The following NUP155 variants were observed in gnomAD, a reference collection of about 807,000 sequenced individuals.
NUP155 encodes nuclear pore complex protein Nup155.
In NUP155, 71 loss-of-function variants were observed where a neutral mutation model predicts 180.4. The observed-to-expected ratio is 0.39, with a 90% CI of 0.33 to 0.48. The LOEUF is 0.48. Among genes scored for constraint, NUP155 ranks in the 20% least tolerant of loss-of-function variants. The pLI is 0.91. For missense variants in NUP155, 1,553 were observed against 1,648.9 expected (o/e 0.94, Z 1.01); for synonymous variants, 582 against 559.5 (o/e 1.04, Z -0.57).
In NUP155 at chr5:37,294,399, T is replaced by A. The variant is rs1197442517; in HGVS notation, c.3860A>T (p.Gln1287Leu). ...TGGTACTCCAATTTCATTCATTGTC[T>A]GTATTACGAAGCCCACATCCCAGTT... ...TLNWDVGFVI[Q>L]TMNEIGVPLP... is the part of the protein sequence containing the mutation. Residue 1287 changes from glutamine to leucine, a missense_variant, in exon 33 of 35, where the codon CAG (glutamine) becomes CTG (leucine). Physicochemically the swap from Gln to Leu is moderately radical, Grantham distance 113. Transcript: ENST00000231498. 6.2e-7 allele frequency: 1 copy of A among 1,610,844 alleles called. No homozygotes were observed. Among genetic ancestry groups the A allele is most frequent in the African/African-American group, 1.3e-5 (1 of 74,874 alleles).
At chr5:37,320,418 G>A (rs1223818844) in intron 20 of NUP155, among the ~76,000 whole-genome samples, 3 of 152,120 alleles carry the variant, frequency 2.0e-5, no homozygotes, top group Admixed American at 6.5e-5. Context: ...CGGAGGTTGC[G>A]GTGAGCCGAG....
At chr5:37,311,838 G>A (rs751157046) in intron 22 of NUP155, among the ~76,000 whole-genome samples, 45 of 152,148 alleles carry the variant, frequency 3.0e-4, no homozygotes, top group East Asian at 3.9e-4. Context: ...TGGCCAACAT[G>A]GCGAAACCCG....
intron 21 of NUP155, among the ~76,000 whole-genome samples, chr5:37,316,589 C>T (rs930274584): frequency 3.3e-5 from 5 of 152,032 alleles, no homozygotes; most frequent in Admixed American, 6.6e-5. Context: ...CTCGGCCTCC[C>T]GAGCAGCTGG....
In NUP155 at chr5:37,329,243, G is replaced by A; in HGVS notation, c.1760C>T (p.Thr587Ile). The A allele has an allele frequency of 6.2e-7, 1 of 1,613,998 alleles. No homozygotes were observed. Among genetic ancestry groups the A allele is most frequent in the Non-Finnish European group, 8.5e-7 (1 of 1,179,900 alleles). Residue 587 changes from threonine to isoleucine, a missense_variant, in exon 16 of 35, where the codon ACT (threonine) becomes ATT (isoleucine). Transcript: ENST00000231498. Reference protein sequence around the residue: ...GGEAQMRFPTTLPPPSNVGPI... With the variant: ...GGEAQMRFPTILPPPSNVGPI... Reference sequence around the variant, plus strand: ...ACCAACATTACTTGGAGGCGGAAGAGTGGTTGGAAATCTCATCTGTGCTTC... The same window carrying A: ...ACCAACATTACTTGGAGGCGGAAGAATGGTTGGAAATCTCATCTGTGCTTC...
Position 37,325,933 on chromosome 5 carries a change from T to C in NUP155, c.2059A>G (p.Ile687Val), listed in dbSNP as rs369621072. The change falls in exon 19 of 35, where the codon ATA becomes GTA. Residue 687 changes from isoleucine to valine, a missense_variant. By Grantham distance (29) the Ile-to-Val change is conservative. Coordinates refer to ENST00000231498, the MANE Select transcript of NUP155 (RefSeq NM_153485.3). ...IWDASLVVER[I>V]FKSGNREITA... is the part of the protein sequence containing the mutation. ...ATCTCTCTGTTGCCACTCTTGAATA[T>C]TCTCTCCACAACTAAGCTTGCATCC... 14 of 1,611,582 alleles carry C rather than the reference T, an allele frequency of 8.7e-6. No individual in the cohort carries two copies. The African/African-American group carries it at 1.9e-4, about 22-fold the overall frequency.
chr5:37,343,264 C>T lies in NUP155; in HGVS notation c.996-618G>A, dbSNP rs913922137. On this transcript the variant is annotated intron_variant, in intron 9 of 34. Transcript: ENST00000231498. ...TAATTTTTTGTATTTTTAGTAGAGA[C>T]GGGGTTTCACTATGTTAGCCAGGAT... 7.9e-5 allele frequency among the ~76,000 whole-genome samples: 12 copies of T among 151,924 alleles called. No individual in the cohort carries two copies. The East Asian group carries it at 2.3e-3, about 30-fold the overall frequency.
At chr5:37,361,815 A>C (rs548689673) in intron 3 of NUP155, among the ~76,000 whole-genome samples, 1 of 152,202 alleles carries the variant, frequency 6.6e-6, no homozygotes, top group Non-Finnish European at 1.5e-5. Context: ...TATGGATCAA[A>C]TATCTGTGTC....
chr5:37,367,240 T>G (rs1274146671), intron 1 of NUP155, among the ~76,000 whole-genome samples: 3 of 151,888 alleles, frequency 2.0e-5, no homozygotes, highest in South Asian at 2.1e-4. Flanking sequence ...GGTTTTTTTT[T>G]GGGATGGGCT....
At chr5:37,296,372 C>A (rs1432790505) in intron 32 of NUP155, among the ~76,000 whole-genome samples, 1 of 151,940 alleles carries the variant, frequency 6.6e-6, no homozygotes, top group Non-Finnish European at 1.5e-5. Flanking sequence ...GATCTGTGAC[C>A]TTACCCCCAA....
chr5:37,348,071 T>C (rs1351916536), intron 9 of NUP155, among the ~76,000 whole-genome samples: 1 of 152,020 alleles, frequency 6.6e-6, no homozygotes, highest in Non-Finnish European at 1.5e-5. Flanking sequence ...GAGGCAGAAG[T>C]TGCGGTGAGC....
chr5:37,299,480 A>G lies in NUP155; in HGVS notation c.3650T>C (p.Val1217Ala), dbSNP rs1436750530. 1 of 1,614,138 alleles carries G rather than the reference A, an allele frequency of 6.2e-7. No individual in the cohort carries two copies. Among genetic ancestry groups the G allele is most frequent in the Admixed American group, 1.7e-5 (1 of 60,024 alleles). Residue 1217 changes from valine (V) to alanine (A), a missense_variant, in exon 31 of 35, where the codon GTG becomes GCG. Val to Ala is a moderately conservative substitution (Grantham distance 64). Transcript: ENST00000231498. ...TATGATATCTTGCCAAAGTGTCTGCACCAATATAGGGTCTGAATAACCGGC... is the reference window on the plus strand; with the variant it reads ...TATGATATCTTGCCAAAGTGTCTGCGCCAATATAGGGTCTGAATAACCGGC... ...HCAGYSDPILVQTLWQDIIEK... is the reference protein window; with the variant it reads ...HCAGYSDPILAQTLWQDIIEK...
chr5:37,363,165 G>A (rs933237535), intron 3 of NUP155, among the ~76,000 whole-genome samples: 1 of 152,136 alleles, frequency 6.6e-6, no homozygotes, highest in Non-Finnish European at 1.5e-5. Context: ...ACCCACCTCA[G>A]CCTCCCAAAG....
intron 4 of NUP155, among the ~76,000 whole-genome samples, chr5:37,356,128 C>T (rs542141248): frequency 6.6e-6 from 1 of 150,548 alleles, no homozygotes; most frequent in African/African-American, 2.4e-5. Context: ...ACTTGGGAGG[C>T]TGAGGCAGGA....
rs1743369467 is a variant in NUP155 at position 37,309,209 on chromosome 5, A to C, written c.2687T>G (p.Met896Arg). ...QVQNKTEKER[M>R]LRESLKEYQK... ...ATATTCCTTTAATGATTCCCTTAAC[A>C]TTCTTTCTTTTTCAGTCTTATTTTG... Residue 896 changes from methionine (M) to arginine (R), a missense_variant, in exon 24 of 35, where the codon ATG becomes AGG. Transcript: ENST00000231498. The C allele has an allele frequency of 6.2e-7, 1 of 1,613,522 alleles. No individual in the cohort carries two copies. The highest frequency in any genetic ancestry group is 8.5e-7 in the Non-Finnish European group (1 of 1,179,794).
At chr5:37,304,602 A>G (rs1023336530) in intron 27 of NUP155, 137 bp downstream of exon 27, 25 of 697,584 alleles carry the variant, frequency 3.6e-5, no homozygotes, top group Admixed American at 7.2e-5. Context: ...AAGATACTGC[A>G]TTACTCAGCT....
intron 21 of NUP155, among the ~76,000 whole-genome samples, chr5:37,317,519 G>A (rs1296778901): frequency 6.6e-6 from 1 of 151,528 alleles, no homozygotes. Flanking sequence ...AGTAAAAATG[G>A]TAAATTTTAT....
intron 16 of NUP155, 108 bp from the exon 17 acceptor site, chr5:37,328,528 G>C (rs1744756071): frequency 1.2e-6 from 1 of 821,170 alleles, no homozygotes; most frequent in African/African-American, 1.7e-5. Context: ...TTTTGAGGCA[G>C]GGTCTCTTTC....
Position 37,288,335 on chromosome 5 carries a change from G to A in NUP155, c.*3565C>T, listed in dbSNP as rs1267584057. 6.6e-6 allele frequency: 1 copy of A among 152,082 alleles called. No homozygotes were observed. The highest frequency in any genetic ancestry group is 1.5e-5 in the Non-Finnish European group (1 of 68,016). The allele number at this position is 152,082 out of a possible 1,614,324, so 9.4% of individuals were successfully genotyped here. ...TGACAGGAATGGAGACTACCCTGAG[G>A]AATACTTTTGAGATCAGTGGATAGG... On this transcript the variant is annotated 3_prime_UTR_variant, in exon 35 of 35. Transcript: ENST00000231498.
intron 24 of NUP155, 149 bp downstream of exon 24, chr5:37,308,980 C>A (rs1011363846): frequency 1.4e-6 from 1 of 701,472 alleles, no homozygotes; most frequent in Non-Finnish European, 2.5e-6. Context: ...ACAATGATAC[C>A]ACATTCCTAC....
Sources: gnomAD v4.1 joint callset for allele counts (sites outside exome capture counted in the v4.1 genomes callset) on GRCh38, gnomAD v4.1.1 for gene constraint, MANE v1.5 for transcripts, NCBI Gene and HGNC (gene_info 2026-07-23, HGNC 2026-07-21) for gene names.